The following OSBPL3 variants were observed in gnomAD, a reference collection of about 807,000 sequenced individuals.
The protein encoded by OSBPL3 is oxysterol-binding protein-related protein 3.
Under a neutral mutation model 120.1 loss-of-function variants are expected in OSBPL3, and 65 were observed. The observed-to-expected ratio is 0.54, with a 90% confidence interval of 0.44 to 0.67. OSBPL3 has a LOEUF of 0.67. Among genes scored for constraint, OSBPL3 ranks in the 30% least tolerant of loss-of-function variants. The probability of loss-of-function intolerance (pLI) is 0.00; values close to 1 mark genes in which losing one functional copy is unlikely to be tolerated. For synonymous variants in OSBPL3, 416 were observed against 402.6 expected, an observed-to-expected ratio of 1.03 and a Z score of -0.40; for missense variants, 1,004 against 1,082.1, an observed-to-expected ratio of 0.93 and a Z score of 1.01.
intron 10 of OSBPL3, among the ~76,000 whole-genome samples, chr7:24,853,610 G>T (rs1584383119): frequency 6.6e-6 from 1 of 152,268 alleles, no homozygotes; most frequent in South Asian, 2.1e-4. Context: ...ATAGATAAAA[G>T]TTGCTTCAAT....
chr7:24,831,054 A>T lies in OSBPL3; in HGVS notation c.1747-149T>A. 1 of 738,152 alleles carries T rather than the reference A, an allele frequency of 1.4e-6. No individual in the cohort carries two copies. The highest frequency in any genetic ancestry group is 3.6e-5 in the Admixed American group (1 of 28,040). 45.7% of individuals were successfully genotyped at this position (738,152 alleles called of 1,614,324 possible). A position where few individuals can be genotyped will look rare whatever the true frequency, so the allele number is the denominator to read the frequency against. ...TGTTTTTAAACAACATAGGTTTAAA[A>T]TTGTAGGTTTAAATAATGTTTATCT... On this transcript the variant is annotated intron_variant, in intron 15 of 22. Coordinates refer to ENST00000313367, the MANE Select transcript of OSBPL3 (RefSeq NM_015550.4). The surrounding 1 kb of genome is among the most constrained non-coding windows in gnomAD (Gnocchi z 4.0).
rs1168187354 is a variant in OSBPL3 at position 24,800,143 on chromosome 7, C to T, written c.*40G>A. On this transcript the variant is annotated 3_prime_UTR_variant, in exon 23 of 23. Coordinates refer to ENST00000313367, the MANE Select transcript of OSBPL3 (RefSeq NM_015550.4). ...TTTGTGCCACTTCAGAAGGCAAGCA[C>T]AGGAGAAATACACTAATGTTATCTT... 2 of 1,149,618 alleles carry T rather than the reference C, an allele frequency of 1.7e-6. No individual in the cohort carries two copies. The highest frequency in any genetic ancestry group is 3.0e-5 in the African/African-American group (2 of 65,882). The allele number at this position is 1,149,618 out of a possible 1,614,324, so 71.2% of individuals were successfully genotyped here. A position where few individuals can be genotyped will look rare whatever the true frequency, so the allele number is the denominator to read the frequency against.
In OSBPL3 at chr7:24,830,696, A is replaced by G. The variant is rs1194666692; in HGVS notation, c.1884+72T>C. Reference sequence around the variant, plus strand: ...GAAGCCAGTGAAAGGTGGAAGATAAATATTTCAGAAGCACATTTAATGGGA... The same window carrying G: ...GAAGCCAGTGAAAGGTGGAAGATAAGTATTTCAGAAGCACATTTAATGGGA... On this transcript the variant is annotated intron_variant, in intron 16 of 22. Coordinates refer to ENST00000313367, the MANE Select transcript of OSBPL3 (RefSeq NM_015550.4). This position sits in a 1 kb window ranked among gnomAD's most constrained non-coding sequence, Gnocchi z 4.4. 1.4e-6 allele frequency: 2 copies of G among 1,390,756 alleles called. No homozygotes were observed. Among genetic ancestry groups the G allele is most frequent in the East Asian group, 2.4e-5 (1 of 41,998 alleles). The allele number at this position is 1,390,756 out of a possible 1,614,324, so 86.2% of individuals were successfully genotyped here. A position where few individuals can be genotyped will look rare whatever the true frequency, so the allele number is the denominator to read the frequency against.
In OSBPL3 at chr7:24,802,652, T is replaced by C. The variant is rs1039565430; in HGVS notation, c.2567+1663A>G. On this transcript the variant is annotated intron_variant, in intron 22 of 22. Coordinates refer to ENST00000313367, the MANE Select transcript of OSBPL3 (RefSeq NM_015550.4). The surrounding 1 kb of genome is among the most constrained non-coding windows in gnomAD (Gnocchi z 4.1). ...GATCGAGTTGGTGAATCTCCTTAACTAGTCCTTGAGACAGTTTGGTTACCT... is the reference window on the plus strand; with the variant it reads ...GATCGAGTTGGTGAATCTCCTTAACCAGTCCTTGAGACAGTTTGGTTACCT... Among the ~76,000 whole-genome samples, 2 of 152,218 alleles carry C rather than the reference T, an allele frequency of 1.3e-5. No homozygotes were observed. Among genetic ancestry groups the C allele is most frequent in the Non-Finnish European group, 1.5e-5 (1 of 68,036 alleles).
chr7:24,880,061 G>A (rs971698043), intron 2 of OSBPL3, among the ~76,000 whole-genome samples: 2 of 152,130 alleles, frequency 1.3e-5, no homozygotes, highest in Non-Finnish European at 2.9e-5. Context: ...TTCCTCTCTG[G>A]CCATGCAGCC....
intron 14 of OSBPL3, among the ~76,000 whole-genome samples, chr7:24,837,991 G>A (rs1584313314): frequency 1.3e-5 from 2 of 152,310 alleles, no homozygotes; most frequent in East Asian, 1.9e-4. Context: ...GAATAACAGT[G>A]TAGCAAGATC....
intron 1 of OSBPL3, among the ~76,000 whole-genome samples, chr7:24,929,313 C>T (rs1811489432): frequency 1.3e-5 from 2 of 152,170 alleles, no homozygotes; most frequent in Admixed American, 1.3e-4. Context: ...GGATCAGGGT[C>T]GTTGTCGTAA....
At chr7:24,981,550 ACT>A (rs929440030), upstream of OSBPL3, 4 of 151,804 alleles carry the variant, frequency 2.6e-5, no homozygotes, top group African/African-American at 4.8e-5. The surrounding 1 kb of genome is among the most constrained non-coding windows in gnomAD (Gnocchi z 7.3). Flanking sequence ...GGTTTCTGAG[ACT>A]CTTTCCGGAG....
In OSBPL3 at chr7:24,870,852, A is replaced by G. The variant is rs1332992774; in HGVS notation, c.268-7T>C. On this transcript the variant is annotated splice_region_variant and splice_polypyrimidine_tract_variant and intron_variant, in intron 4 of 22. Transcript: ENST00000313367. ...GCAGCTTCTCTCTCTCTATCTGCAG[A>G]GGCACCAAGAGGGTCACTTGGGGAC... 3 of 1,571,934 alleles carry G rather than the reference A, an allele frequency of 1.9e-6. No homozygotes were observed. The Admixed American group carries it at 5.0e-5, about 26-fold the overall frequency.
chr7:24,819,282 A>G lies in OSBPL3; in HGVS notation c.1948+893T>C, dbSNP rs1794833943. On this transcript the variant is annotated intron_variant, in intron 17 of 22. Transcript: ENST00000313367. This position sits in a 1 kb window ranked among gnomAD's most constrained non-coding sequence, Gnocchi z 4.1. ...AAAAAAAAAAAAATCCAACTTTTGA[A>G]AAAACAAAGAAGAGGTGCTTATAGC... 6.6e-6 allele frequency among the ~76,000 whole-genome samples: 1 copy of G among 152,102 alleles called. No individual in the cohort carries two copies. The highest frequency in any genetic ancestry group is 1.5e-5 in the Non-Finnish European group (1 of 68,020).
intron 1 of OSBPL3, among the ~76,000 whole-genome samples, chr7:24,927,397 T>A (rs1395704743): frequency 6.6e-6 from 1 of 152,206 alleles, no homozygotes; most frequent in East Asian, 1.9e-4. Context: ...TCCAAGCTAC[T>A]CAGTCTACAA....
intron 2 of OSBPL3, among the ~76,000 whole-genome samples, chr7:24,876,920 T>G (rs1230345669): frequency 3.3e-5 from 5 of 152,222 alleles, no homozygotes; most frequent in Non-Finnish European, 5.9e-5. Flanking sequence ...CACTTAAGCA[T>G]CTTCTATATG....
At chr7:24,923,525 A>T (rs1448446653) in intron 1 of OSBPL3, among the ~76,000 whole-genome samples, 1 of 152,112 alleles carries the variant, frequency 6.6e-6, no homozygotes, top group South Asian at 2.1e-4. Flanking sequence ...ATTTTTAACC[A>T]TGAGCTGGGC....
chr7:24,838,214 G>A (rs1235005621), intron 14 of OSBPL3, among the ~76,000 whole-genome samples: 6 of 152,154 alleles, frequency 3.9e-5, no homozygotes, highest in South Asian at 2.1e-4. Context: ...AGGCAATGTA[G>A]ACCAGGCAAG....
Position 24,918,144 on chromosome 7 carries a change from A to ATACTCTTTGT in OSBPL3, c.-149-25533_-149-25524dup. On this transcript the variant is annotated intron_variant, in intron 1 of 22. Transcript: ENST00000313367. The surrounding 1 kb of genome is among the most constrained non-coding windows in gnomAD (Gnocchi z 4.3). ...CACAGCAGCCAGTAATGACACCTGGATACTCTTTGTTTACAGTTTCATGTA... is the reference window on the plus strand; with the variant it reads ...CACAGCAGCCAGTAATGACACCTGGATACTCTTTGTTACTCTTTGTTTACAGTTTCATGTA... 1.2e-6 allele frequency: 1 copy of ATACTCTTTGT among 843,370 alleles called. No individual in the cohort carries two copies. The highest frequency in any genetic ancestry group is 1.4e-6 in the Non-Finnish European group (1 of 700,420). The allele number at this position is 843,370 out of a possible 1,614,324, so 52.2% of individuals were successfully genotyped here. A position where few individuals can be genotyped will look rare whatever the true frequency, so the allele number is the denominator to read the frequency against.
In OSBPL3 at chr7:24,898,210, T is replaced by C. The variant is rs1562901192; in HGVS notation, c.-149-5589A>G. ...AGCACCACAGACCAGAGATTCAGCATCAGAAGTTTCTGGAAGCAGGTTCTA... is the reference window on the plus strand; with the variant it reads ...AGCACCACAGACCAGAGATTCAGCACCAGAAGTTTCTGGAAGCAGGTTCTA... On this transcript the variant is annotated intron_variant, in intron 1 of 22. Transcript: ENST00000313367. The surrounding 1 kb of genome is among the most constrained non-coding windows in gnomAD (Gnocchi z 4.3). 6.6e-6 allele frequency among the ~76,000 whole-genome samples: 1 copy of C among 152,216 alleles called. No individual in the cohort carries two copies. Among genetic ancestry groups the C allele is most frequent in the Non-Finnish European group, 1.5e-5 (1 of 68,038 alleles).
At position 24,916,199 on chromosome 7, in the gene OSBPL3, G is replaced by C. The variant is rs533284793; in HGVS notation, c.-149-23578C>G. Among the ~76,000 whole-genome samples, 8 of 152,214 alleles carry C rather than the reference G, an allele frequency of 5.3e-5. No individual in the cohort carries two copies. The East Asian group carries it at 1.5e-3, about 29-fold the overall frequency. ...CTACAGAATTACTTTTCAGAAGATGGACAATTTCTTTCCCTTTTGTTAAAT... is the reference window on the plus strand; with the variant it reads ...CTACAGAATTACTTTTCAGAAGATGCACAATTTCTTTCCCTTTTGTTAAAT... On this transcript the variant is annotated intron_variant, in intron 1 of 22. Transcript: ENST00000313367. This position sits in a 1 kb window ranked among gnomAD's most constrained non-coding sequence, Gnocchi z 4.9.
rs1334419610 is a variant in OSBPL3 at position 24,830,551 on chromosome 7, G to A, written c.1884+217C>T. Among the ~76,000 whole-genome samples the A allele has an allele frequency of 2.0e-5, 3 of 152,172 alleles. No homozygotes were observed. Among genetic ancestry groups the A allele is most frequent in the Admixed American group, 6.5e-5 (1 of 15,284 alleles). ...GGACACCGGCAATGCATGTAGCCAAGCAAGTGTGCAGAATTACGGGTGGTA... is the reference window on the plus strand; with the variant it reads ...GGACACCGGCAATGCATGTAGCCAAACAAGTGTGCAGAATTACGGGTGGTA... On this transcript the variant is annotated intron_variant, in intron 16 of 22. Coordinates refer to ENST00000313367, the MANE Select transcript of OSBPL3 (RefSeq NM_015550.4). This position sits in a 1 kb window ranked among gnomAD's most constrained non-coding sequence, Gnocchi z 4.4.
Position 24,824,332 on chromosome 7 carries a change from C to T in OSBPL3, c.1885-4094G>A, listed in dbSNP as rs1795448699. Among the ~76,000 whole-genome samples the T allele has an allele frequency of 6.6e-6, 1 of 152,072 alleles. No homozygotes were observed. On this transcript the variant is annotated intron_variant, in intron 16 of 22. Coordinates refer to ENST00000313367, the MANE Select transcript of OSBPL3 (RefSeq NM_015550.4). This position sits in a 1 kb window ranked among gnomAD's most constrained non-coding sequence, Gnocchi z 4.9. ...TCATTTTTAATTTATGCTTTGAATG[C>T]ACTTTATATAAGAGGTCAGGGGAGA... is the stretch of plus-strand genomic sequence containing the variant.
Sources: allele counts gnomAD v4.1 joint callset (sites outside exome capture counted in the v4.1 genomes callset), GRCh38; gene constraint gnomAD v4.1.1; non-coding constraint Gnocchi (gnomAD v3.1); transcripts MANE v1.5; gene names NCBI Gene and HGNC (gene_info 2026-07-23, HGNC 2026-07-21).